CALN1: variants seen among roughly 807,000 people sequenced by gnomAD.
The protein encoded by CALN1 is calcium-binding protein 8.
A neutral mutation model predicts 30.6 loss-of-function variants in CALN1; 17 were observed. The observed-to-expected ratio is 0.56, with a 90% confidence interval of 0.38 to 0.83. The LOEUF (loss-of-function observed/expected upper bound fraction) is 0.83. Among genes scored for constraint, CALN1 ranks in the 40% least tolerant of loss-of-function variants. CALN1 has a pLI of 0.00. For synonymous variants in CALN1, 156 were observed against 131.4 expected, an observed-to-expected ratio of 1.19 and a Z score of -1.28; for missense variants, 291 against 354.9, an observed-to-expected ratio of 0.82 and a Z score of 1.45.
At chr7:71,828,997 G>A (rs1404370891) in intron 5 of CALN1, among the ~76,000 whole-genome samples, 1 of 151,720 alleles carries the variant, frequency 6.6e-6, no homozygotes, top group Non-Finnish European at 1.5e-5. Context: ...GATCCATCTC[G>A]GCCTCCCAAA....
chr7:72,468,957 G>C, the CALN1 span, among the ~76,000 whole-genome samples: 1 of 152,098 alleles, frequency 6.6e-6, no homozygotes, highest in African/African-American at 2.4e-5. Context: ...CTGTATACTA[G>C]ACTCTTATCA....
chr7:72,163,409 A>C (rs1176291632), intron 3 of CALN1, among the ~76,000 whole-genome samples: 59 of 150,530 alleles, frequency 3.9e-4, no homozygotes, highest in African/African-American at 1.3e-3. Flanking sequence ...AAAAAAAAAA[A>C]ACAGAAAAAC....
At chr7:72,371,826 G>A (rs1804261013) in intron 2 of CALN1, among the ~76,000 whole-genome samples, 1 of 152,104 alleles carries the variant, frequency 6.6e-6, no homozygotes, top group South Asian at 2.1e-4. Flanking sequence ...TCCATTTCTG[G>A]GTAAGATAAA....
intron 2 of CALN1, among the ~76,000 whole-genome samples, chr7:72,384,900 AT>A (rs1418705540): frequency 6.6e-6 from 1 of 152,202 alleles, no homozygotes; most frequent in African/African-American, 2.4e-5. Context: ...TTGAGAACGC[AT>A]ATCTGATAAA....
the CALN1 span, among the ~76,000 whole-genome samples, chr7:72,490,105 T>G: frequency 6.6e-6 from 1 of 152,168 alleles, no homozygotes; most frequent in East Asian, 1.9e-4. Context: ...ATAGAGACCA[T>G]GGCTTCTCCT....
At chr7:71,798,392 A>G (rs895419291) in intron 6 of CALN1, among the ~76,000 whole-genome samples, 26 of 152,150 alleles carry the variant, frequency 1.7e-4, no homozygotes, top group African/African-American at 6.3e-4. Context: ...ATAGCTCACT[A>G]CAGCCTCAAT....
chr7:72,111,073 G>A (rs1807539693), intron 3 of CALN1, among the ~76,000 whole-genome samples: 2 of 152,114 alleles, frequency 1.3e-5, no homozygotes, highest in Admixed American at 1.3e-4. Context: ...GGTGCGCCAG[G>A]GCTACGTGAG....
intron 5 of CALN1, among the ~76,000 whole-genome samples, chr7:71,932,982 T>C (rs1286470683): frequency 6.6e-6 from 1 of 151,912 alleles, no homozygotes; most frequent in Non-Finnish European, 1.5e-5. Context: ...AGGCAGATAG[T>C]GAGGGTACAG....
intron 1 of CALN1, among the ~76,000 whole-genome samples, chr7:72,437,248 C>A (rs1808188599): frequency 6.6e-6 from 1 of 152,092 alleles, no homozygotes. Context: ...CTCTACCTTG[C>A]CAGGAAATCA....
intron 5 of CALN1, among the ~76,000 whole-genome samples, chr7:71,993,978 C>A (rs1269643612): frequency 6.6e-6 from 1 of 152,036 alleles, no homozygotes; most frequent in African/African-American, 2.4e-5. Flanking sequence ...AATGTTGTGA[C>A]CCCAAACTCT....
At chr7:72,418,687 AG>A (rs1585708254) in intron 1 of CALN1, among the ~76,000 whole-genome samples, 1 of 152,106 alleles carries the variant, frequency 6.6e-6, no homozygotes, top group Non-Finnish European at 1.5e-5. Context: ...TCTTTTGCTC[AG>A]CCCCATCTGG....
chr7:72,274,503 CA>C (rs397889197), intron 3 of CALN1, among the ~76,000 whole-genome samples: 43,177 of 101,008 alleles, frequency 0.43, 6,514 homozygotes, highest in Middle Eastern at 0.6. Context: ...GAGACTGTCT[CA>C]AAAAAAAAAA....
At chr7:72,488,634 T>C in the CALN1 span, among the ~76,000 whole-genome samples, 1 of 152,106 alleles carries the variant, frequency 6.6e-6, no homozygotes, top group Non-Finnish European at 1.5e-5. Context: ...CTGATGTGTC[T>C]CCTGTTACCC....
chr7:72,352,607 G>A (rs1193928398), intron 2 of CALN1, among the ~76,000 whole-genome samples: 1 of 152,026 alleles, frequency 6.6e-6, no homozygotes, highest in Non-Finnish European at 1.5e-5. Flanking sequence ...TGAAATGAAA[G>A]CACAAGGTAT....
intron 5 of CALN1, among the ~76,000 whole-genome samples, chr7:71,847,504 C>CA (rs1790334099): frequency 6.6e-6 from 1 of 150,774 alleles, no homozygotes; most frequent in African/African-American, 2.4e-5. Context: ...AAACCAAAAC[C>CA]AAAACCAAAA....
At chr7:72,140,531 C>G (rs1222263016) in intron 3 of CALN1, among the ~76,000 whole-genome samples, 1 of 152,218 alleles carries the variant, frequency 6.6e-6, no homozygotes, top group Non-Finnish European at 1.5e-5. Context: ...GTATTTCCCT[C>G]TCCCTCCTAT....
intron 4 of CALN1, among the ~76,000 whole-genome samples, chr7:72,047,827 G>T (rs943069652): frequency 6.6e-6 from 1 of 152,116 alleles, no homozygotes; most frequent in African/African-American, 2.4e-5. Context: ...GAAATTAAGA[G>T]TGCAGCTGCA....
At position 72,394,332 on chromosome 7, in the gene CALN1, T is replaced by C. The variant is rs189481141; in HGVS notation, c.119+8919A>G. Among the ~76,000 whole-genome samples, 639 of 152,224 alleles carry C rather than the reference T, an allele frequency of 4.2e-3. 7 individuals carry two copies. Among genetic ancestry groups the C allele is most frequent in the African/African-American group, 0.015 (619 of 41,514 alleles). On this transcript the variant is annotated intron_variant, in intron 2 of 6. Transcript: ENST00000395275. ...TGACAAAACCTAGCAAAAGAAAAAA[T>C]GTACATGTTTTGACCCAGATGTTTC...
intron 2 of CALN1, among the ~76,000 whole-genome samples, chr7:72,368,891 T>C (rs1804045216): frequency 6.8e-6 from 1 of 146,620 alleles, no homozygotes; most frequent in Non-Finnish European, 1.5e-5. Context: ...CTCAGTTCAC[T>C]GCAACCTCCA....
Sources: allele counts gnomAD v4.1 joint callset (sites outside exome capture counted in the v4.1 genomes callset), GRCh38; gene constraint gnomAD v4.1.1; transcripts MANE v1.5; gene names NCBI Gene and HGNC (gene_info 2026-07-23, HGNC 2026-07-21).